MCTP1: variants seen among roughly 807,000 people sequenced by gnomAD.
The protein encoded by MCTP1 is multiple C2 and transmembrane domain-containing protein 1.
A neutral mutation model predicts 120.6 loss-of-function variants in MCTP1; 69 were observed. The ratio of observed to expected loss-of-function variants is 0.57; its 90% CI spans 0.47 to 0.70. The LOEUF (loss-of-function observed/expected upper bound fraction) is 0.70. Among genes scored for constraint, MCTP1 ranks in the 30% least tolerant of loss-of-function variants. The pLI is 0.00. For synonymous variants in MCTP1, 529 were observed against 493.1 expected (o/e 1.07, Z -0.96); for missense variants, 1,203 against 1,248.8 (o/e 0.96, Z 0.55).
intron 1 of MCTP1, among the ~76,000 whole-genome samples, chr5:95,039,045 T>A (rs888721345): frequency 2.6e-5 from 4 of 152,060 alleles, no homozygotes; most frequent in Non-Finnish European, 2.9e-5. Context: ...GTAGCTTGGG[T>A]TCTCACCCTT....
chr5:95,119,321 A>T lies in MCTP1; in HGVS notation c.721-101837T>A, dbSNP rs181726513. Among the ~76,000 whole-genome samples the T allele has an allele frequency of 9.2e-5, 14 of 152,340 alleles. No homozygotes were observed. The East Asian group carries it at 2.7e-3, about 29-fold the overall frequency. Reference sequence around the variant, plus strand: ...ATGAAGACATTAGAAAGAAAATGGAAAAATTTATTGAAACAAATGATAATA... The same window carrying T: ...ATGAAGACATTAGAAAGAAAATGGATAAATTTATTGAAACAAATGATAATA... On this transcript the variant is annotated intron_variant, in intron 1 of 22. Transcript: ENST00000515393.
At chr5:95,061,648 G>T (rs981995613) in intron 1 of MCTP1, among the ~76,000 whole-genome samples, 1 of 151,466 alleles carries the variant, frequency 6.6e-6, no homozygotes, top group African/African-American at 2.4e-5. Flanking sequence ...TGTTAGCCGG[G>T]ATGGTCTCGA....
chr5:95,144,657 T>C (rs899060951), intron 1 of MCTP1, among the ~76,000 whole-genome samples: 4 of 152,158 alleles, frequency 2.6e-5, no homozygotes, highest in Admixed American at 2.6e-4. Context: ...ATTTATTAAA[T>C]AGGGAATCAT....
At chr5:94,721,647 A>G (rs1336313581) in intron 19 of MCTP1, among the ~76,000 whole-genome samples, 3 of 152,186 alleles carry the variant, frequency 2.0e-5, no homozygotes, top group African/African-American at 7.2e-5. Context: ...ATATGACCCA[A>G]AACTGCAATG....
chr5:95,269,871 T>C (rs1759220375), intron 1 of MCTP1, among the ~76,000 whole-genome samples: 2 of 152,186 alleles, frequency 1.3e-5, no homozygotes, highest in Admixed American at 1.3e-4. Flanking sequence ...AAAACTGCTG[T>C]GAGGTTTAAG....
chr5:95,053,634 C>T (rs115192399), intron 1 of MCTP1, among the ~76,000 whole-genome samples: 5 of 152,070 alleles, frequency 3.3e-5, no homozygotes, highest in East Asian at 1.9e-4. Context: ...AAGGAGAAAC[C>T]GAAGGAAACT....
At chr5:94,846,000 A>G (rs544188549) in intron 17 of MCTP1, among the ~76,000 whole-genome samples, 205 of 152,292 alleles carry the variant, frequency 1.3e-3, no homozygotes, top group African/African-American at 4.8e-3. Context: ...TCAAAAAATA[A>G]CAGATGCTGG....
chr5:94,718,908 A>G (rs1198627248), intron 19 of MCTP1, among the ~76,000 whole-genome samples: 1 of 152,116 alleles, frequency 6.6e-6, no homozygotes, highest in Admixed American at 6.6e-5. Context: ...TTTAGTAGAG[A>G]TGGGGTTTTA....
chr5:94,947,456 A>G (rs1380463506), intron 3 of MCTP1, among the ~76,000 whole-genome samples: 1 of 150,746 alleles, frequency 6.6e-6, no homozygotes, highest in Non-Finnish European at 1.5e-5. Flanking sequence ...AATTAGTAAT[A>G]ATATACTTAT....
intron 1 of MCTP1, among the ~76,000 whole-genome samples, chr5:95,221,999 C>A (rs543092913): frequency 6.6e-6 from 1 of 152,288 alleles, no homozygotes; most frequent in South Asian, 2.1e-4. Context: ...GTCAGAGTAA[C>A]CCTAGACCCT....
chr5:94,940,216 A>AT (rs1439340767), intron 4 of MCTP1, 21 bp from the exon 5 acceptor site: 1 of 1,436,378 alleles, frequency 7.0e-7, no homozygotes, highest in Non-Finnish European at 9.7e-7. Flanking sequence ...AAATATTTAG[A>AT]TTTTGAACAG....
intron 2 of MCTP1, among the ~76,000 whole-genome samples, chr5:94,967,600 G>A (rs557557450): frequency 2.0e-5 from 3 of 152,332 alleles, no homozygotes; most frequent in Admixed American, 6.5e-5. Flanking sequence ...AGATTGAAGA[G>A]TTAAGTTAAA....
Position 95,117,161 on chromosome 5 carries a change from C to T in MCTP1, c.721-99677G>A, listed in dbSNP as rs141555827. Among the ~76,000 whole-genome samples the T allele has an allele frequency of 7.0e-3, 1,058 of 152,038 alleles. 5 individuals carry two copies. The highest frequency in any genetic ancestry group is 0.012 in the South Asian group (59 of 4,822). ...AAAAAAGCTCTTTGGGAGGCCAAGG[C>T]GGGTGGATCACGAGGTCAGGAGATC... On this transcript the variant is annotated intron_variant, in intron 1 of 22. Coordinates refer to ENST00000515393, the MANE Select transcript of MCTP1 (RefSeq NM_024717.7).
intron 3 of MCTP1, among the ~76,000 whole-genome samples, chr5:94,950,658 A>G (rs556858779): frequency 6.6e-5 from 10 of 152,182 alleles, no homozygotes; most frequent in African/African-American, 2.4e-4. Context: ...TTCTGCCACA[A>G]TTTAAAAAAT....
chr5:95,194,832 C>T (rs1220425428), intron 1 of MCTP1, among the ~76,000 whole-genome samples: 3 of 152,110 alleles, frequency 2.0e-5, no homozygotes, highest in Admixed American at 6.6e-5. Context: ...CAGAATAGCA[C>T]CCACAGAATA....
chr5:95,224,111 G>A (rs1443839033), intron 1 of MCTP1, among the ~76,000 whole-genome samples: 1 of 152,218 alleles, frequency 6.6e-6, no homozygotes, highest in African/African-American at 2.4e-5. Context: ...CTCTGGTGGT[G>A]TCAACTGCCA....
chr5:95,252,072 T>A (rs1231792693), intron 1 of MCTP1, among the ~76,000 whole-genome samples: 1 of 152,140 alleles, frequency 6.6e-6, no homozygotes, highest in Non-Finnish European at 1.5e-5. Flanking sequence ...GTACCCTTTT[T>A]ATATTTATAT....
chr5:94,897,047 G>A (rs1804188526), intron 10 of MCTP1, among the ~76,000 whole-genome samples: 2 of 151,872 alleles, frequency 1.3e-5, no homozygotes, highest in African/African-American at 4.8e-5. Context: ...GGTAATATCT[G>A]GACTTTTTTT....
chr5:95,259,345 T>G (rs2152713977), intron 1 of MCTP1, among the ~76,000 whole-genome samples: 1 of 152,262 alleles, frequency 6.6e-6, no homozygotes, highest in Admixed American at 6.5e-5. Flanking sequence ...ACCCTTGCCT[T>G]GTGTCAAAAG....
Sources: allele counts gnomAD v4.1 joint callset (sites outside exome capture counted in the v4.1 genomes callset), GRCh38; gene constraint gnomAD v4.1.1; transcripts MANE v1.5; gene names NCBI Gene and HGNC (gene_info 2026-07-23, HGNC 2026-07-21).